The following CHST2 variants were observed in gnomAD, a reference collection of about 807,000 sequenced individuals.
CHST2 encodes N-acetylglucosamine 6-O-sulfotransferase 1.
CHST2 carries 23 observed loss-of-function variants against 34.6 expected under a neutral mutation model. That is an observed-to-expected ratio of 0.67 (90% CI 0.48 to 0.94). CHST2 has a LOEUF of 0.94. CHST2 is among the 40% of genes least tolerant of loss of function. The pLI is 0.00. For synonymous variants in CHST2, 392 were observed against 343.1 expected, an observed-to-expected ratio of 1.14 and a Z score of -1.58; for missense variants, 720 against 759.5, an observed-to-expected ratio of 0.95 and a Z score of 0.61.
Position 143,121,720 on chromosome 3 carries a change from G to T in CHST2, c.904G>T (p.Val302Phe). 1.9e-6 allele frequency: 3 copies of T among 1,595,396 alleles called. No individual in the cohort carries two copies. Among genetic ancestry groups the T allele is most frequent in the Non-Finnish European group, 2.6e-6 (3 of 1,169,912 alleles). ...GGAGTGCCGCAAGTACCGCACACTA[G>T]TCATAAAGGGTGTGCGCGTCTTCGA... ...EEECRKYRTL[V>F]IKGVRVFDVA... Residue 302 changes from valine to phenylalanine, a missense_variant, in exon 2 of 2, where the codon GTC becomes TTC. By Grantham distance (50) the Val-to-Phe change is conservative. Around this residue, in one of 4 missense-constraint regions of CHST2, gnomAD observed 166 missense variants for 211.4 expected, o/e 0.79. Transcript: ENST00000309575.
rs750947077 is a variant in CHST2 at position 143,121,165 on chromosome 3, C to T, written c.349C>T (p.His117Tyr). The T allele has an allele frequency of 8.0e-6, 12 of 1,497,494 alleles. No individual in the cohort carries two copies. The highest frequency in any genetic ancestry group is 1.1e-5 in the Non-Finnish European group (12 of 1,133,132). 92.8% of individuals were successfully genotyped at this position (1,497,494 alleles called of 1,614,324 possible). A position where few individuals can be genotyped will look rare whatever the true frequency, so the allele number is the denominator to read the frequency against. ...GPPPAGPPRAHARLDLRTPYR... is the reference protein window; with the variant it reads ...GPPPAGPPRAYARLDLRTPYR... ...GCCTCCGGCCGGGCCGCCCCGTGCT[C>T]ATGCCCGTTTGGACCTCCGCACTCC... Residue 117 changes from histidine (H) to tyrosine (Y), a missense_variant, in exon 2 of 2, where the codon CAT becomes TAT. This residue lies in a region of CHST2 where 287 missense variants were observed against 242.7 expected (regional missense o/e 1.18). Coordinates refer to ENST00000309575, the MANE Select transcript of CHST2 (RefSeq NM_004267.5).
chr3:143,122,452 A>C lies in CHST2; in HGVS notation c.*43A>C. ...CCTGATTCCCTGTGGTGATACCTAT[A>C]AAGAGGATCGTAGTGTGTTTAAATA... On this transcript the variant is annotated 3_prime_UTR_variant, in exon 2 of 2. Coordinates refer to ENST00000309575, the MANE Select transcript of CHST2 (RefSeq NM_004267.5). 6.7e-7 allele frequency: 1 copy of C among 1,489,078 alleles called. No homozygotes were observed. 92.2% of individuals were successfully genotyped at this position (1,489,078 alleles called of 1,614,324 possible). A position where few individuals can be genotyped will look rare whatever the true frequency, so the allele number is the denominator to read the frequency against.
In CHST2 at chr3:143,121,976, C is replaced by G. The variant is rs755171466; in HGVS notation, c.1160C>G (p.Ala387Gly). 16 of 1,593,340 alleles carry G rather than the reference C, an allele frequency of 1.0e-5. No individual in the cohort carries two copies. Among genetic ancestry groups the G allele is most frequent in the Middle Eastern group, 1.7e-4 (1 of 5,964 alleles). ...GAKKEGVGGPADYHALGAMEV... is the reference protein window; with the variant it reads ...GAKKEGVGGPGDYHALGAMEV... ...AAGAAGGAGGGCGTGGGCGGCCCCGCAGACTACCACGCTCTGGGCGCTATG... is the reference window on the plus strand; with the variant it reads ...AAGAAGGAGGGCGTGGGCGGCCCCGGAGACTACCACGCTCTGGGCGCTATG... The change falls in exon 2 of 2, where the codon GCA becomes GGA. Residue 387 changes from alanine to glycine, a missense_variant. Ala to Gly is a moderately conservative substitution (Grantham distance 60). Transcript: ENST00000309575.
rs1169929226 is a variant in CHST2 at position 143,122,915 on chromosome 3, AG to A, written c.*507del. The A allele has an allele frequency of 6.0e-6, 1 of 167,344 alleles. No homozygotes were observed. The highest frequency in any genetic ancestry group is 1.5e-5 in the Non-Finnish European group (1 of 68,320). 10.4% of individuals were successfully genotyped at this position (167,344 alleles called of 1,614,324 possible). A position where few individuals can be genotyped will look rare whatever the true frequency, so the allele number is the denominator to read the frequency against. On this transcript the variant is annotated 3_prime_UTR_variant, in exon 2 of 2. Coordinates refer to ENST00000309575, the MANE Select transcript of CHST2 (RefSeq NM_004267.5). ...TTCTAAAGCAGACTTTTGTGTAAAAAGCAAAGGTTACATGTGAGTATTAATA... is the reference window on the plus strand; with the variant it reads ...TTCTAAAGCAGACTTTTGTGTAAAAACAAAGGTTACATGTGAGTATTAATA...
chr3:143,121,773 A>T lies in CHST2; in HGVS notation c.957A>T (p.Arg319=). 6.2e-7 allele frequency: 1 copy of T among 1,607,502 alleles called. No homozygotes were observed. Among genetic ancestry groups the T allele is most frequent in the Non-Finnish European group, 8.5e-7 (1 of 1,176,978 alleles). ...TGGCGGTCTTGGCGCCACTGCTGCG[A>T]GACCCGGCCCTGGACCTCAAGGTCA... The part of the protein sequence containing the change: ...FDVAVLAPLL[R]DPALDLKVIH... Residue 319 remains arginine, a synonymous_variant, in exon 2 of 2, where the codon CGA becomes CGT. Transcript: ENST00000309575.
In CHST2 at chr3:143,120,824, G is replaced by T; in HGVS notation, c.8G>T (p.Arg3Leu). 1 of 1,309,316 alleles carries T rather than the reference G, an allele frequency of 7.6e-7. No homozygotes were observed. The allele number at this position is 1,309,316 out of a possible 1,614,324, so 81.1% of individuals were successfully genotyped here. Residue 3 changes from arginine to leucine, a missense_variant, in exon 2 of 2, where the codon CGC becomes CTC. Physicochemically the swap from Arg to Leu is moderately radical, Grantham distance 102. Coordinates refer to ENST00000309575, the MANE Select transcript of CHST2 (RefSeq NM_004267.5). The surrounding 1 kb of genome is among the most constrained non-coding windows in gnomAD (Gnocchi z 4.1). ...GCCCGGATTGTGCCTGTGATGAGCC[G>T]CAGCCCGCAGCGAGCTCTGCCCCCG... MS[R>L]SPQRALPPGA... is the part of the protein sequence containing the mutation.
rs1936251407 is a variant in CHST2 at position 143,122,903 on chromosome 3, T to C, written c.*494T>C. 1 of 167,440 alleles carries C rather than the reference T, an allele frequency of 6.0e-6. No homozygotes were observed. The highest frequency in any genetic ancestry group is 6.5e-5 in the Admixed American group (1 of 15,294). 10.4% of individuals were successfully genotyped at this position (167,440 alleles called of 1,614,324 possible). ...GAGGAGGCATTCTTCTAAAGCAGACTTTTGTGTAAAAAGCAAAGGTTACAT... is the reference window on the plus strand; with the variant it reads ...GAGGAGGCATTCTTCTAAAGCAGACCTTTGTGTAAAAAGCAAAGGTTACAT... On this transcript the variant is annotated 3_prime_UTR_variant, in exon 2 of 2. Coordinates refer to ENST00000309575, the MANE Select transcript of CHST2 (RefSeq NM_004267.5).
chr3:143,121,832 G>C lies in CHST2; in HGVS notation c.1016G>C (p.Ser339Thr). 1 of 1,592,964 alleles carries C rather than the reference G, an allele frequency of 6.3e-7. No homozygotes were observed. Reference protein sequence around the residue: ...HLVRDPRAVASSRIRSRHGLI... With the variant: ...HLVRDPRAVATSRIRSRHGLI... ...GTGCGTGATCCCCGCGCGGTGGCGAGTTCACGGATCCGCTCGCGCCACGGC... is the reference window on the plus strand; with the variant it reads ...GTGCGTGATCCCCGCGCGGTGGCGACTTCACGGATCCGCTCGCGCCACGGC... The change falls in exon 2 of 2, where the codon AGT (serine) becomes ACT (threonine). Residue 339 changes from serine to threonine, a missense_variant. Ser to Thr is a moderately conservative substitution (Grantham distance 58, BLOSUM62 1). This residue lies in a region of CHST2 where 166 missense variants were observed against 211.4 expected (regional missense o/e 0.79). Coordinates refer to ENST00000309575, the MANE Select transcript of CHST2 (RefSeq NM_004267.5).
chr3:143,121,907 A>G lies in CHST2; in HGVS notation c.1091A>G (p.His364Arg), dbSNP rs1936229276. The G allele has an allele frequency of 1.3e-6, 2 of 1,576,648 alleles. No individual in the cohort carries two copies. Among genetic ancestry groups the G allele is most frequent in the East Asian group, 4.5e-5 (2 of 44,386 alleles). The part of the protein sequence containing the change: ...QVVRSRDPRA[H>R]RMPFLEAAGH... ...GTGCGCAGCCGAGACCCGCGAGCTC[A>G]CCGCATGCCCTTCTTGGAGGCCGCG... Residue 364 changes from histidine (H) to arginine (R), a missense_variant, in exon 2 of 2, where the codon CAC (histidine) becomes CGC (arginine). His to Arg is a conservative substitution (Grantham distance 29, BLOSUM62 0). Coordinates refer to ENST00000309575, the MANE Select transcript of CHST2 (RefSeq NM_004267.5).
rs1243085407 is a variant in CHST2, at chr3:143,121,577, CCAA to C, written c.765_767del (p.Asn255del). On this transcript the variant is annotated inframe_deletion, in exon 2 of 2. Coordinates refer to ENST00000309575, the MANE Select transcript of CHST2 (RefSeq NM_004267.5). ...ACGCTGGGCATCTTCGGCGCAGCCACCAACAAGGTGGTGTGCTCGTCACCACTC... is the reference window on the plus strand; with the variant it reads ...ACGCTGGGCATCTTCGGCGCAGCCACCAAGGTGGTGTGCTCGTCACCACTC... 2 of 1,609,372 alleles carry C rather than the reference CCAA, an allele frequency of 1.2e-6. No individual in the cohort carries two copies. The highest frequency in any genetic ancestry group is 8.5e-7 in the Non-Finnish European group (1 of 1,177,526).
chr3:143,121,044 CA>C lies in CHST2; in HGVS notation c.230del (p.Lys77SerfsTer144). On this transcript the variant is annotated frameshift_variant, in exon 2 of 2. Coordinates refer to ENST00000309575, the MANE Select transcript of CHST2 (RefSeq NM_004267.5). LOFTEE classifies it high-confidence loss of function. ...VLTMLNLLDY[K>X]WHKEPLQQCN... ...TCACTATGCTCAACCTCCTGGACTA[CA>C]AGTGGCACAAGGAGCCGCTGCAGCA... The C allele has an allele frequency of 6.6e-7, 1 of 1,524,954 alleles. No individual in the cohort carries two copies. The highest frequency in any genetic ancestry group is 8.8e-7 in the Non-Finnish European group (1 of 1,137,310). 94.5% of individuals were successfully genotyped at this position (1,524,954 alleles called of 1,614,324 possible).
chr3:143,121,975 G>A lies in CHST2; in HGVS notation c.1159G>A (p.Ala387Thr). 1 of 1,592,710 alleles carries A rather than the reference G, an allele frequency of 6.3e-7. No homozygotes were observed. Among genetic ancestry groups the A allele is most frequent in the South Asian group, 1.1e-5 (1 of 88,656 alleles). ...CAAGAAGGAGGGCGTGGGCGGCCCC[G>A]CAGACTACCACGCTCTGGGCGCTAT... ...GAKKEGVGGPADYHALGAMEV... is the reference protein window; with the variant it reads ...GAKKEGVGGPTDYHALGAMEV... The change falls in exon 2 of 2, where the codon GCA (alanine) becomes ACA (threonine). Residue 387 changes from alanine (A) to threonine (T), a missense_variant. Ala to Thr is a moderately conservative substitution (Grantham distance 58). Coordinates refer to ENST00000309575, the MANE Select transcript of CHST2 (RefSeq NM_004267.5).
chr3:143,120,950 C>T lies in CHST2; in HGVS notation c.134C>T (p.Pro45Leu), dbSNP rs1936203342. The part of the protein sequence containing the change: ...RRPGRRWPAS[P>L]LGMKVFRRKA... ...CCAGGACGCCGCTGGCCCGCGTCCCCTCTCGGAATGAAGGTGTTCCGTAGG... is the reference window on the plus strand; with the variant it reads ...CCAGGACGCCGCTGGCCCGCGTCCCTTCTCGGAATGAAGGTGTTCCGTAGG... Residue 45 changes from proline (P) to leucine (L), a missense_variant, in exon 2 of 2, where the codon CCT becomes CTT. By Grantham distance (98) the Pro-to-Leu change is moderately conservative. This residue lies in a region of CHST2 where 287 missense variants were observed against 242.7 expected (regional missense o/e 1.18). Coordinates refer to ENST00000309575, the MANE Select transcript of CHST2 (RefSeq NM_004267.5). This position sits in a 1 kb window ranked among gnomAD's most constrained non-coding sequence, Gnocchi z 4.1. The T allele has an allele frequency of 6.5e-7, 1 of 1,535,478 alleles. No homozygotes were observed. The highest frequency in any genetic ancestry group is 8.8e-7 in the Non-Finnish European group (1 of 1,142,456).
At position 143,123,576 on chromosome 3, in the gene CHST2, C is replaced by T. The variant is rs764426828; in HGVS notation, c.*1167C>T. On this transcript the variant is annotated 3_prime_UTR_variant, in exon 2 of 2. Coordinates refer to ENST00000309575, the MANE Select transcript of CHST2 (RefSeq NM_004267.5). ...AAGCAGCGAAGTTTCATCTGAGAAC[C>T]GTAAGGGTTTTCCCTTTTCTTACTT... 6.6e-6 allele frequency: 1 copy of T among 152,122 alleles called. No individual in the cohort carries two copies. The highest frequency in any genetic ancestry group is 1.5e-5 in the Non-Finnish European group (1 of 68,020). The allele number at this position is 152,122 out of a possible 1,614,324, so 9.4% of individuals were successfully genotyped here. A position where few individuals can be genotyped will look rare whatever the true frequency, so the allele number is the denominator to read the frequency against.
In CHST2 at chr3:143,122,558, A is replaced by G. The variant is rs1383018324; in HGVS notation, c.*149A>G. The G allele has an allele frequency of 2.1e-5, 17 of 818,738 alleles. No individual in the cohort carries two copies. The highest frequency in any genetic ancestry group is 1.8e-5 in the Non-Finnish European group (10 of 556,564). 50.7% of individuals were successfully genotyped at this position (818,738 alleles called of 1,614,324 possible). On this transcript the variant is annotated 3_prime_UTR_variant, in exon 2 of 2. Transcript: ENST00000309575. ...ATAATCACACACACACTTGCTGTCA[A>G]TGTTTTGAGTCAGTGCATTTCAAGG...
At position 143,120,436 on chromosome 3, in the gene CHST2, G is replaced by T. The variant is rs6764683; in HGVS notation, c.-279G>T. The T allele has an allele frequency of 0.086, 13,844 of 161,490 alleles. 1,893 individuals are homozygous for T. Among genetic ancestry groups the T allele is most frequent in the African/African-American group, 0.29 (12,339 of 41,856 alleles). The allele number at this position is 161,490 out of a possible 1,614,324, so 10.0% of individuals were successfully genotyped here. A position where few individuals can be genotyped will look rare whatever the true frequency, so the allele number is the denominator to read the frequency against. On this transcript the variant is annotated 5_prime_UTR_variant, in exon 1 of 2. Transcript: ENST00000309575. This position sits in a 1 kb window ranked among gnomAD's most constrained non-coding sequence, Gnocchi z 4.1. ...TCCCCAGACCCCTCGAAGGTGCGGGGACCCCCAGCGGAAGCGAGAGGGAGC... is the reference window on the plus strand; with the variant it reads ...TCCCCAGACCCCTCGAAGGTGCGGGTACCCCCAGCGGAAGCGAGAGGGAGC...
In CHST2 at chr3:143,121,277, C is replaced by G. The variant is rs746793760; in HGVS notation, c.461C>G (p.Thr154Ser). 1.2e-5 allele frequency: 19 copies of G among 1,607,482 alleles called. No homozygotes were observed. Among genetic ancestry groups the G allele is most frequent in the East Asian group, 6.7e-5 (3 of 44,830 alleles). ...GTTGCGGCCCCTCCAGGCAATGGCA[C>G]TCGGGGCACCGGGGGCGTCGGGGAC... is the stretch of plus-strand genomic sequence containing the variant. ...AGVAAPPGNG[T>S]RGTGGVGDKR... is the part of the protein sequence containing the mutation. Residue 154 changes from threonine to serine, a missense_variant, in exon 2 of 2, where the codon ACT (threonine) becomes AGT (serine). By Grantham distance (58) the Thr-to-Ser change is moderately conservative (BLOSUM62 1). Transcript: ENST00000309575.
chr3:143,121,133 C>G lies in CHST2; in HGVS notation c.317C>G (p.Pro106Arg), dbSNP rs1190810335. ...GCAGCCGGAGGCAGCTGGGGGCGCCCAGGGCCGCCTCCGGCCGGGCCGCCC... is the reference window on the plus strand; with the variant it reads ...GCAGCCGGAGGCAGCTGGGGGCGCCGAGGGCCGCCTCCGGCCGGGCCGCCC... ...AGAAGGSWGR[P>R]GPPPAGPPRA... The change falls in exon 2 of 2, where the codon CCA becomes CGA. Residue 106 changes from proline to arginine, a missense_variant. Around this residue, in one of 4 missense-constraint regions of CHST2, gnomAD observed 287 missense variants for 242.7 expected, o/e 1.18. Transcript: ENST00000309575. The G allele has an allele frequency of 1.4e-6, 2 of 1,464,616 alleles. No individual in the cohort carries two copies. The highest frequency in any genetic ancestry group is 5.6e-5 in the Admixed American group (2 of 35,688). The allele number at this position is 1,464,616 out of a possible 1,614,324, so 90.7% of individuals were successfully genotyped here. A position where few individuals can be genotyped will look rare whatever the true frequency, so the allele number is the denominator to read the frequency against.
In CHST2 at chr3:143,121,535, G is replaced by C; in HGVS notation, c.719G>C (p.Gly240Ala). The C allele has an allele frequency of 6.2e-7, 1 of 1,610,542 alleles. No individual in the cohort carries two copies. Among genetic ancestry groups the C allele is most frequent in the Non-Finnish European group, 8.5e-7 (1 of 1,178,250 alleles). Residue 240 changes from glycine (G) to alanine (A), a missense_variant, in exon 2 of 2, where the codon GGG becomes GCG. Coordinates refer to ENST00000309575, the MANE Select transcript of CHST2 (RefSeq NM_004267.5). ...CAGTTGTATAGCCCCGCGGGCAGCG[G>C]GGGGCGCAACCTCACCACGCTGGGC... Reference protein sequence around the residue: ...VFQLYSPAGSGGRNLTTLGIF... With the variant: ...VFQLYSPAGSAGRNLTTLGIF...
Sources: gnomAD v4.1 joint callset for allele counts on GRCh38, gnomAD v4.1.1 for gene constraint, gnomAD v4.1.1 regional missense constraint, Gnocchi (gnomAD v3.1) non-coding constraint, MANE v1.5 for transcripts, NCBI Gene and HGNC (gene_info 2026-07-23, HGNC 2026-07-21) for gene names.